Variants in CSMD2 observed in about 807,000 individuals in gnomAD.
The protein encoded by CSMD2 is CUB and sushi domain-containing protein 2.
In CSMD2, 130 loss-of-function variants were observed where a neutral mutation model predicts 398.5. That is an observed-to-expected ratio of 0.33 (90% confidence interval 0.28 to 0.38). The LOEUF is 0.38. Ranked by LOEUF, CSMD2 falls within the 10% of genes least tolerant of loss-of-function variation. The pLI is 1.00. For missense variants in CSMD2, 3,829 were observed against 4,764.9 expected, an observed-to-expected ratio of 0.80 and a Z score of 5.78; for synonymous variants, 1,828 against 1,908.5, an observed-to-expected ratio of 0.96 and a Z score of 1.10.
chr1:33,654,719 G>A (rs1369303841), intron 27 of CSMD2, among the ~76,000 whole-genome samples: 1 of 152,218 alleles, frequency 6.6e-6, no homozygotes, highest in Non-Finnish European at 1.5e-5. Flanking sequence ...CAGTGAGAGT[G>A]GAAAGCCAGT....
At chr1:33,660,488 A>G (rs982327676) in intron 26 of CSMD2, among the ~76,000 whole-genome samples, 1 of 152,234 alleles carries the variant, frequency 6.6e-6, no homozygotes, top group African/African-American at 2.4e-5. Flanking sequence ...CGTCCCTGGC[A>G]TTTCTGTACA....
chr1:33,976,675 A>T (rs1412724755), intron 3 of CSMD2, among the ~76,000 whole-genome samples: 8 of 152,160 alleles, frequency 5.3e-5, no homozygotes, highest in African/African-American at 1.7e-4. Context: ...AATGCCTGAG[A>T]TTCCACCATC....
At chr1:34,064,738 C>T (rs1558323504) in intron 2 of CSMD2, among the ~76,000 whole-genome samples, 1 of 152,144 alleles carries the variant, frequency 6.6e-6, no homozygotes, top group Non-Finnish European at 1.5e-5. Context: ...TCTACTGGTA[C>T]CAGTTTACTG....
chr1:33,602,266 A>T (rs1374828835), intron 43 of CSMD2, 103 bp downstream of exon 43: 2 of 1,265,874 alleles, frequency 1.6e-6, no homozygotes, highest in East Asian at 2.4e-5. Flanking sequence ...AAAACCATTC[A>T]CCTCTTGGTT....
intron 25 of CSMD2, among the ~76,000 whole-genome samples, chr1:33,665,699 A>T (rs1012032557): frequency 7.9e-5 from 12 of 151,854 alleles, no homozygotes; most frequent in Non-Finnish European, 1.8e-4. Flanking sequence ...AATTCCTGGG[A>T]TTACAGGTGT....
intron 5 of CSMD2, among the ~76,000 whole-genome samples, chr1:33,917,873 T>G (rs1643805251): frequency 6.6e-6 from 1 of 152,224 alleles, no homozygotes; most frequent in Non-Finnish European, 1.5e-5. Flanking sequence ...AGCAAGAACA[T>G]GTTTCAAATC....
chr1:34,022,018 C>A (rs1648956994), intron 3 of CSMD2, among the ~76,000 whole-genome samples: 1 of 152,118 alleles, frequency 6.6e-6, no homozygotes, highest in East Asian at 1.9e-4. Flanking sequence ...GATCTTACGA[C>A]TGGGGGCATC....
chr1:34,094,781 GAGACTT>G (rs980198808), intron 1 of CSMD2, among the ~76,000 whole-genome samples: 47 of 152,220 alleles, frequency 3.1e-4, no homozygotes, highest in Admixed American at 5.9e-4. Context: ...GGCCTACAAG[GAGACTT>G]AGACTCCCAC....
At position 34,089,831 on chromosome 1, in the gene CSMD2, T is replaced by C. The variant is rs1266912277; in HGVS notation, c.188-638A>G. On this transcript the variant is annotated intron_variant, in intron 1 of 70. Coordinates refer to ENST00000373381, the MANE Select transcript of CSMD2 (RefSeq NM_001281956.2). ...TTTCCTCTCCACTAGTATCTTCTCA[T>C]TTTAAATGTGCTCAAGACTCTATCG... 5.9e-5 allele frequency among the ~76,000 whole-genome samples: 9 copies of C among 152,292 alleles called. No individual in the cohort carries two copies. The South Asian group carries it at 1.7e-3, about 28-fold the overall frequency.
At chr1:33,612,121 A>G (rs752642972) in intron 40 of CSMD2, among the ~76,000 whole-genome samples, 74 of 152,334 alleles carry the variant, frequency 4.9e-4, no homozygotes, top group Middle Eastern at 6.8e-3. Context: ...ATTGTACAGG[A>G]TGAGCAAGAT....
chr1:34,165,184 G>A lies in CSMD2; in HGVS notation c.-87C>T. 2 of 1,177,828 alleles carry A rather than the reference G, an allele frequency of 1.7e-6. No homozygotes were observed. Among genetic ancestry groups the A allele is most frequent in the Non-Finnish European group, 2.1e-6 (2 of 953,434 alleles). The allele number at this position is 1,177,828 out of a possible 1,614,324, so 73.0% of individuals were successfully genotyped here. ...AGAGCTCTGGAGCTTTTTTCTGCTC[G>A]GAAAAAATCCCGGTACGCGGGAGCC... is the stretch of plus-strand genomic sequence containing the variant. On this transcript the variant is annotated 5_prime_UTR_variant, in exon 1 of 71. Coordinates refer to ENST00000373381, the MANE Select transcript of CSMD2 (RefSeq NM_001281956.2).
At chr1:33,809,827 T>C (rs1377282640) in intron 10 of CSMD2, among the ~76,000 whole-genome samples, 1 of 151,998 alleles carries the variant, frequency 6.6e-6, no homozygotes. Context: ...AATATAAAAA[T>C]CAAAGTACAA....
intron 5 of CSMD2, among the ~76,000 whole-genome samples, chr1:33,906,236 TG>T (rs1643080179): frequency 6.6e-6 from 1 of 152,234 alleles, no homozygotes; most frequent in Non-Finnish European, 1.5e-5. Flanking sequence ...GATGTGAGCC[TG>T]GGGTGGTTAC....
chr1:33,823,590 C>T (rs1299563960), intron 7 of CSMD2, among the ~76,000 whole-genome samples: 1 of 152,036 alleles, frequency 6.6e-6, no homozygotes, highest in Non-Finnish European at 1.5e-5. Flanking sequence ...CAGGGAGTCA[C>T]AGGTGGGTGG....
At chr1:33,679,102 CTG>C (rs1254093136) in intron 25 of CSMD2, among the ~76,000 whole-genome samples, 4 of 151,590 alleles carry the variant, frequency 2.6e-5, no homozygotes, top group Non-Finnish European at 4.4e-5. Context: ...GTCAGGGATT[CTG>C]TGAGGGGCCA....
At chr1:33,670,167 C>T (rs1042974679) in intron 25 of CSMD2, among the ~76,000 whole-genome samples, 8 of 152,186 alleles carry the variant, frequency 5.3e-5, no homozygotes, top group Admixed American at 3.9e-4. Flanking sequence ...CCTCCCCATC[C>T]CCTCAGTCTA....
At chr1:33,702,486 T>C (rs1350747540) in intron 22 of CSMD2, among the ~76,000 whole-genome samples, 1 of 152,212 alleles carries the variant, frequency 6.6e-6, no homozygotes, top group Non-Finnish European at 1.5e-5. Flanking sequence ...AACAGAAATG[T>C]GCAAATAACT....
At chr1:34,066,273 T>A (rs1326143588) in intron 2 of CSMD2, among the ~76,000 whole-genome samples, 1 of 152,190 alleles carries the variant, frequency 6.6e-6, no homozygotes. Flanking sequence ...GTATAAGTGC[T>A]AATTTTTATG....
At chr1:33,607,519 G>A (rs1275355503) in intron 41 of CSMD2, among the ~76,000 whole-genome samples, 1 of 152,212 alleles carries the variant, frequency 6.6e-6, no homozygotes, top group African/African-American at 2.4e-5. Context: ...GGAGGAAGGT[G>A]TAAACAGAGA....
Sources: gnomAD v4.1 joint callset for allele counts (sites outside exome capture counted in the v4.1 genomes callset) on GRCh38, gnomAD v4.1.1 for gene constraint, MANE v1.5 for transcripts, NCBI Gene and HGNC (gene_info 2026-07-23, HGNC 2026-07-21) for gene names.